The following SLC9C2 variants were observed in gnomAD, a reference collection of about 807,000 sequenced individuals.
The protein encoded by SLC9C2 is sodium/hydrogen exchanger 11.
A neutral mutation model predicts 140.2 loss-of-function variants in SLC9C2; 75 were observed. That is an observed-to-expected ratio of 0.53 (90% confidence interval 0.44 to 0.65). The LOEUF is 0.65. Ranked by LOEUF, SLC9C2 falls within the 30% of genes least tolerant of loss-of-function variation. The probability of loss-of-function intolerance (pLI) is 0.00; values close to 1 mark genes in which losing one functional copy is unlikely to be tolerated. For synonymous variants in SLC9C2, 375 were observed against 420.9 expected (o/e 0.89, Z 1.34); for missense variants, 1,074 against 1,331.8 (o/e 0.81, Z 3.01).
rs781077464 is a variant in SLC9C2, at chr1:173,587,849, C to A, written c.358-19G>T. 4.4e-6 allele frequency: 7 copies of A among 1,598,134 alleles called. No homozygotes were observed. Among genetic ancestry groups the A allele is most frequent in the Non-Finnish European group, 6.0e-6 (7 of 1,169,476 alleles). ...ACAAGACCTGTGAACCAATTCATAA[C>A]ACAGTATTAGACTTAACATCTAAAG... On this transcript the variant is annotated intron_variant, in intron 4 of 27. Transcript: ENST00000367714.
intron 8 of SLC9C2, among the ~76,000 whole-genome samples, chr1:173,575,405 C>T (rs191200619): frequency 8.7e-4 from 133 of 152,184 alleles, no homozygotes; most frequent in Non-Finnish European, 1.3e-3. Context: ...CAACAGACAG[C>T]ACCACTGAGC....
chr1:173,565,019 GTGCAGTGGTGCAAACTC>G lies in SLC9C2; in HGVS notation c.1047-7528_1047-7512del, dbSNP rs1351584703. ...GTCTCACTCTGTCGCCCAGGCTGGA[GTGCAGTGGTGCAAACTC>G]AGCTCACTGCAACCTCTGCCTCCCG... is the stretch of plus-strand genomic sequence containing the variant. On this transcript the variant is annotated intron_variant, in intron 9 of 27. Transcript: ENST00000367714. Among the ~76,000 whole-genome samples, 4 of 141,980 alleles carry G rather than the reference GTGCAGTGGTGCAAACTC, an allele frequency of 2.8e-5. No homozygotes were observed. The East Asian group carries it at 8.4e-4, about 30-fold the overall frequency. The allele number at this position is 141,980 out of a possible 152,430, so 93.1% of individuals were successfully genotyped here.
intron 13 of SLC9C2, among the ~76,000 whole-genome samples, chr1:173,544,293 C>A (rs527497654): frequency 6.6e-6 from 1 of 152,138 alleles, no homozygotes; most frequent in Non-Finnish European, 1.5e-5. Context: ...AAATGCAAAT[C>A]AAAACCACAA....
chr1:173,571,892 CAAAAGTTGTGTCTTATCCTGAG>C (rs771653416), intron 9 of SLC9C2, among the ~76,000 whole-genome samples: 1 of 152,140 alleles, frequency 6.6e-6, no homozygotes, highest in Non-Finnish European at 1.5e-5. Flanking sequence ...TCTGAAGCTT[CAAAAGTTGTGTCTTATCCTGAG>C]AAAATAAGGA....
chr1:173,599,359 T>G (rs1450730170), intron 3 of SLC9C2, among the ~76,000 whole-genome samples: 1 of 116,074 alleles, frequency 8.6e-6, no homozygotes, highest in African/African-American at 3.5e-5. Flanking sequence ...CACATTTTCC[T>G]TGATTTTTTT....
chr1:173,514,624 G>A (rs140711646), intron 23 of SLC9C2, among the ~76,000 whole-genome samples: 7,291 of 152,142 alleles, frequency 0.048, 628 homozygotes, highest in African/African-American at 0.17. Flanking sequence ...TTTAATTGGG[G>A]CATTTAGCCC....
At chr1:173,564,973 T>TC (rs1174927085) in intron 9 of SLC9C2, among the ~76,000 whole-genome samples, 3 of 144,862 alleles carry the variant, frequency 2.1e-5, no homozygotes, top group Non-Finnish European at 4.6e-5. Context: ...TTTTTCTTTT[T>TC]TTTTTTTTTT....
chr1:173,514,052 A>G (rs1485283288), intron 23 of SLC9C2, among the ~76,000 whole-genome samples: 2 of 152,192 alleles, frequency 1.3e-5, no homozygotes, highest in Non-Finnish European at 2.9e-5. Flanking sequence ...GTTCTTTTGC[A>G]TTTGCCAAGG....
intron 13 of SLC9C2, among the ~76,000 whole-genome samples, chr1:173,543,657 G>T (rs1442085780): frequency 6.6e-6 from 1 of 151,970 alleles, no homozygotes; most frequent in Non-Finnish European, 1.5e-5. Flanking sequence ...CAAAACAGAA[G>T]TATAGACCAA....
Position 173,602,837 on chromosome 1 carries a change from C to T in SLC9C2, c.-166G>A, listed in dbSNP as rs1666867080. 6.6e-6 allele frequency: 1 copy of T among 152,220 alleles called. No homozygotes were observed. Among genetic ancestry groups the T allele is most frequent in the Admixed American group, 6.5e-5 (1 of 15,286 alleles). 9.4% of individuals were successfully genotyped at this position (152,220 alleles called of 1,614,324 possible). A position where few individuals can be genotyped will look rare whatever the true frequency, so the allele number is the denominator to read the frequency against. On this transcript the variant is annotated 5_prime_UTR_variant, in exon 1 of 28. An upstream start codon of the reference 5' UTR is lost. Transcript: ENST00000367714. ...GGCCAGAAAGAGATTCAAAATGCTACATCTTCAAATCACTTCACCTGTCCC... is the reference window on the plus strand; with the variant it reads ...GGCCAGAAAGAGATTCAAAATGCTATATCTTCAAATCACTTCACCTGTCCC...
intron 11 of SLC9C2, among the ~76,000 whole-genome samples, chr1:173,552,072 G>A (rs897065223): frequency 2.0e-5 from 3 of 152,184 alleles, no homozygotes; most frequent in Non-Finnish European, 1.5e-5. Context: ...TGAGTGGTCT[G>A]AATAGAAAAT....
intron 21 of SLC9C2, 64 bp downstream of exon 21, chr1:173,523,905 G>T: frequency 1.3e-6 from 2 of 1,552,868 alleles, no homozygotes; most frequent in South Asian, 1.3e-5. Context: ...TCTTTCATTA[G>T]GGAGTGGAAA....
Position 173,521,406 on chromosome 1 carries a change from G to T in SLC9C2, c.2641-7C>A. The T allele has an allele frequency of 7.0e-7, 1 of 1,432,362 alleles. No homozygotes were observed. The highest frequency in any genetic ancestry group is 9.2e-7 in the Non-Finnish European group (1 of 1,089,222). 88.7% of individuals were successfully genotyped at this position (1,432,362 alleles called of 1,614,324 possible). On this transcript the variant is annotated splice_polypyrimidine_tract_variant and splice_region_variant and intron_variant, in intron 21 of 27. Transcript: ENST00000367714. ...AGGCAAGTTTGGCTCTTTCCTGAGT[G>T]GGAAAAAAAAAAACGAAAAGAAAAA...
chr1:173,585,070 T>G (rs1665770136), intron 5 of SLC9C2, among the ~76,000 whole-genome samples: 1 of 152,232 alleles, frequency 6.6e-6, no homozygotes, highest in Non-Finnish European at 1.5e-5. Context: ...CATATGGTTC[T>G]TTTTACTCAA....
intron 9 of SLC9C2, among the ~76,000 whole-genome samples, chr1:173,557,964 C>A (rs914617708): frequency 1.3e-5 from 2 of 152,088 alleles, no homozygotes; most frequent in Admixed American, 6.6e-5. Flanking sequence ...TTATTGAGCT[C>A]CCACAAGAAT....
chr1:173,557,269 G>A, intron 10 of SLC9C2, 71 bp downstream of exon 10: 1 of 1,431,290 alleles, frequency 7.0e-7, no homozygotes, highest in Admixed American at 2.1e-5. Flanking sequence ...TTATTACTGG[G>A]TTCTCTGACA....
Position 173,537,022 on chromosome 1 carries a change from C to T in SLC9C2, c.1575G>A (p.Gln525=), listed in dbSNP as rs762470388. The change falls in exon 14 of 28, where the codon CAG becomes CAA. Residue 525 remains glutamine, a synonymous_variant. Coordinates refer to ENST00000367714, the MANE Select transcript of SLC9C2 (RefSeq NM_178527.4). ...CTATTTCAAGAATTCCATTGTTACG[C>T]TGTTTTTCAAAGCTACTCTAAACAT... ...AAIQMSSFEK[Q]RNNGILEIEA... is the part of the protein sequence containing the mutation. 34 of 1,613,454 alleles carry T rather than the reference C, an allele frequency of 2.1e-5. No homozygotes were observed. The highest frequency in any genetic ancestry group is 5.5e-5 in the South Asian group (5 of 91,048).
chr1:173,600,165 A>G lies in SLC9C2; in HGVS notation c.180T>C (p.Leu60=). The G allele has an allele frequency of 6.2e-7, 1 of 1,612,652 alleles. No individual in the cohort carries two copies. The highest frequency in any genetic ancestry group is 8.5e-7 in the Non-Finnish European group (1 of 1,179,258). The stretch of plus-strand genomic sequence containing the variant: ...GTCCTATCACGAATCCTGATAGAGA[A>G]AGAATCGTCAAAACAATGACTTCAC... ...KNCEVIVLTI[L]SLSGFVIGHM... is the part of the protein sequence containing the mutation. The change falls in exon 3 of 28, where the codon CTT becomes CTC. Residue 60 remains leucine (L), a synonymous_variant. Coordinates refer to ENST00000367714, the MANE Select transcript of SLC9C2 (RefSeq NM_178527.4).
At chr1:173,526,950 A>C (rs1361151831) in intron 18 of SLC9C2, among the ~76,000 whole-genome samples, 2 of 152,026 alleles carry the variant, frequency 1.3e-5, no homozygotes, top group Non-Finnish European at 2.9e-5. Context: ...GGTTCAAGTT[A>C]TTCTCGTGCC....
Sources: allele counts gnomAD v4.1 joint callset (sites outside exome capture counted in the v4.1 genomes callset), GRCh38; gene constraint gnomAD v4.1.1; transcripts MANE v1.5; gene names NCBI Gene and HGNC (gene_info 2026-07-23, HGNC 2026-07-21).